Variants in ACTN2 observed in about 807,000 individuals in gnomAD.
ACTN2 encodes the protein actinin alpha 2.
ACTN2 carries 39 observed loss-of-function variants against 113.8 expected under a neutral mutation model. The observed-to-expected ratio is 0.34, with a 90% CI of 0.27 to 0.45. ACTN2 has a LOEUF of 0.45. Ranked by LOEUF, ACTN2 falls within the 20% of genes least tolerant of loss-of-function variation. The pLI, the probability that ACTN2 is intolerant of heterozygous loss-of-function variation, is 1.00. For missense variants in ACTN2, 992 were observed against 1,177.9 expected (o/e 0.84, Z 2.31); for synonymous variants, 429 against 444.1 (o/e 0.97, Z 0.43).
intron 4 of ACTN2, among the ~76,000 whole-genome samples, chr1:236,721,432 C>T (rs1219567911): frequency 6.6e-6 from 1 of 152,112 alleles, no homozygotes; most frequent in Admixed American, 6.6e-5. Flanking sequence ...GACCTTCAAA[C>T]TCACTTCAAT....
chr1:236,737,042 C>G, intron 8 of ACTN2, 80 bp from the exon 9 acceptor site: 1 of 1,237,182 alleles, frequency 8.1e-7, no homozygotes, highest in Non-Finnish European at 1.2e-6. Context: ...CTCGTCCCCT[C>G]TCATCACCCA....
rs1482774870 is a variant in ACTN2, at chr1:236,686,638, C to T, written c.-36C>T. 1.3e-6 allele frequency: 2 copies of T among 1,536,394 alleles called. No individual in the cohort carries two copies. The highest frequency in any genetic ancestry group is 1.8e-6 in the Non-Finnish European group (2 of 1,141,378). On this transcript the variant is annotated 5_prime_UTR_variant, in exon 1 of 21. Transcript: ENST00000366578. Reference sequence around the variant, plus strand: ...CCAGTCAGCCCGTGCGTCCGAGCCCCTCGCGCCCCGCCGCAGCCCCGGCCA... The same window carrying T: ...CCAGTCAGCCCGTGCGTCCGAGCCCTTCGCGCCCCGCCGCAGCCCCGGCCA...
Position 236,761,070 on chromosome 1 carries a change from C to G in ACTN2, c.2423C>G (p.Thr808Ser), listed in dbSNP as rs148833906. ...CTGGTAGATCCCAACGGGCAAGGCA[C>G]CGTCACCTTCCAATCCTTCATCGAC... ...MTLVDPNGQG[T>S]VTFQSFIDFM... The change falls in exon 20 of 21, where the codon ACC (threonine) becomes AGC (serine). Residue 808 changes from threonine to serine, a missense_variant. This residue lies in a region of ACTN2 where 736 missense variants were observed against 815.4 expected (regional missense o/e 0.90). Coordinates refer to ENST00000366578, the MANE Select transcript of ACTN2 (RefSeq NM_001103.4). The G allele has an allele frequency of 5.0e-6, 8 of 1,614,064 alleles. No individual in the cohort carries two copies. The African/African-American group carries it at 9.3e-5, about 19-fold the overall frequency.
chr1:236,731,087 G>T, intron 6 of ACTN2, 146 bp from the exon 7 acceptor site: 5 of 627,668 alleles, frequency 8.0e-6, no homozygotes, highest in Non-Finnish European at 1.4e-5. Context: ...AAGTGATTGG[G>T]AAAAGATGAA....
chr1:236,741,934 G>T (rs115037597), intron 10 of ACTN2, among the ~76,000 whole-genome samples: 1 of 152,050 alleles, frequency 6.6e-6, no homozygotes, highest in African/African-American at 2.4e-5. Flanking sequence ...CTCTCCCTCT[G>T]CCCTGAGGCA....
At chr1:236,727,517 T>A (rs1000766163) in intron 5 of ACTN2, among the ~76,000 whole-genome samples, 161 bp from the exon 6 acceptor site, 1 of 139,872 alleles carries the variant, frequency 7.1e-6, no homozygotes, top group African/African-American at 3.0e-5. Flanking sequence ...GGGAAGAAGA[T>A]GAGTGTTCAA....
Position 236,716,953 on chromosome 1 carries a change from G to A in ACTN2, c.127-905G>A, listed in dbSNP as rs1658236202. On this transcript the variant is annotated intron_variant, in intron 1 of 20. Transcript: ENST00000366578. ...GGTTTCAAGCTACTTCCCTGCCTGA[G>A]CCTCTTGAGTAGCTGGGACTACAGG... Among the ~76,000 whole-genome samples the A allele has an allele frequency of 2.0e-5, 3 of 149,996 alleles. No individual in the cohort carries two copies. In the South Asian group the frequency reaches 6.3e-4, roughly 32 times the overall value.
At chr1:236,760,783 T>A (rs1659681516) in intron 19 of ACTN2, among the ~76,000 whole-genome samples, 1 of 152,252 alleles carries the variant, frequency 6.6e-6, no homozygotes, top group South Asian at 2.1e-4. Context: ...GAAAGACTTC[T>A]GACATTTACA....
intron 7 of ACTN2, among the ~76,000 whole-genome samples, chr1:236,733,825 T>C (rs182827128): frequency 6.6e-5 from 10 of 152,320 alleles, no homozygotes; most frequent in African/African-American, 2.4e-4. Context: ...ATTCCTGTCA[T>C]TTGTGTTGGT....
At chr1:236,730,800 C>T (rs1572124762) in intron 6 of ACTN2, among the ~76,000 whole-genome samples, 1 of 152,160 alleles carries the variant, frequency 6.6e-6, no homozygotes, top group Non-Finnish European at 1.5e-5. Context: ...TTTTAGCTAG[C>T]AACATTTTTC....
chr1:236,715,025 A>G (rs1200237017), intron 1 of ACTN2, among the ~76,000 whole-genome samples: 2 of 146,940 alleles, frequency 1.4e-5, no homozygotes, highest in African/African-American at 5.0e-5. Context: ...ATACACAGAT[A>G]CCACTGAAGG....
intron 9 of ACTN2, among the ~76,000 whole-genome samples, chr1:236,737,737 A>C (rs1422479292): frequency 6.6e-6 from 1 of 152,124 alleles, no homozygotes; most frequent in Non-Finnish European, 1.5e-5. Context: ...CTCCCTGCAG[A>C]ATATTTGAGC....
Position 236,727,711 on chromosome 1 carries a change from C to A in ACTN2, c.570C>A (p.Ile190=), listed in dbSNP as rs762515240. 4.3e-6 allele frequency: 7 copies of A among 1,614,054 alleles called. No homozygotes were observed. In the African/African-American group the frequency reaches 9.3e-5, roughly 22 times the overall value. The change falls in exon 6 of 21, where the codon ATC becomes ATA. Residue 190 remains isoleucine, a synonymous_variant. Transcript: ENST00000366578. ...ATGGCCTTGGACTCTGTGCCCTCAT[C>A]CACCGACACCGGCCTGACCTCATTG... is the stretch of plus-strand genomic sequence containing the variant. ...WKDGLGLCAL[I]HRHRPDLIDY...
At chr1:236,709,230 A>G (rs1297069985) in intron 1 of ACTN2, among the ~76,000 whole-genome samples, 3 of 61,910 alleles carry the variant, frequency 4.8e-5, no homozygotes, top group East Asian at 4.9e-4. Context: ...GTATATATAT[A>G]TATATATATA....
rs1167890716 is a variant in ACTN2, at chr1:236,764,536, C to G, written c.*1917C>G. ...GAAAAATAATAAACATGTTTATACTCTCATTTTAGGTATTATTTTTATTTC... is the reference window on the plus strand; with the variant it reads ...GAAAAATAATAAACATGTTTATACTGTCATTTTAGGTATTATTTTTATTTC... On this transcript the variant is annotated 3_prime_UTR_variant, in exon 21 of 21. Coordinates refer to ENST00000366578, the MANE Select transcript of ACTN2 (RefSeq NM_001103.4). The G allele has an allele frequency of 6.6e-6, 1 of 151,950 alleles. No individual in the cohort carries two copies. The highest frequency in any genetic ancestry group is 1.5e-5 in the Non-Finnish European group (1 of 68,016). 9.4% of individuals were successfully genotyped at this position (151,950 alleles called of 1,614,324 possible). A position where few individuals can be genotyped will look rare whatever the true frequency, so the allele number is the denominator to read the frequency against.
chr1:236,717,466 A>G (rs1355280048), intron 1 of ACTN2, among the ~76,000 whole-genome samples: 1 of 152,140 alleles, frequency 6.6e-6, no homozygotes, highest in African/African-American at 2.4e-5. Context: ...ACTGTTATTT[A>G]TTCATCTATT....
At chr1:236,717,335 G>T (rs1164730748) in intron 1 of ACTN2, among the ~76,000 whole-genome samples, 3 of 152,102 alleles carry the variant, frequency 2.0e-5, no homozygotes, top group Admixed American at 1.3e-4. Flanking sequence ...TACTTAGGGG[G>T]CTGAGGCAGG....
At chr1:236,707,700 CTTTTTTTTCTT>C (rs1425907076) in intron 1 of ACTN2, among the ~76,000 whole-genome samples, 5 of 111,674 alleles carry the variant, frequency 4.5e-5, no homozygotes, top group African/African-American at 9.8e-5. Flanking sequence ...CTTTTCTTTT[CTTTTTTTTCTT>C]TTTTTTTTTT....
intron 7 of ACTN2, among the ~76,000 whole-genome samples, chr1:236,735,204 T>G (rs924533567): frequency 6.6e-6 from 1 of 152,196 alleles, no homozygotes; most frequent in Non-Finnish European, 1.5e-5. Flanking sequence ...GATAGCCCAT[T>G]GCAGCCCTGT....
Sources: allele counts gnomAD v4.1 joint callset (sites outside exome capture counted in the v4.1 genomes callset), GRCh38; gene constraint gnomAD v4.1.1; regional missense constraint gnomAD v4.1.1; transcripts MANE v1.5; gene names NCBI Gene and HGNC (gene_info 2026-07-23, HGNC 2026-07-21).